MPHOSPH9: variants seen among roughly 807,000 people sequenced by gnomAD.
MPHOSPH9 encodes the protein M-phase phosphoprotein 9.
MPHOSPH9 carries 88 observed loss-of-function variants against 145.5 expected under a neutral mutation model. The ratio of observed to expected loss-of-function variants is 0.60; its 90% CI spans 0.51 to 0.72. The LOEUF (loss-of-function observed/expected upper bound fraction) is 0.72, where lower values mean the gene tolerates loss of function less well. Ranked by LOEUF, MPHOSPH9 falls within the 30% of genes least tolerant of loss-of-function variation. The pLI is 0.00. For missense variants in MPHOSPH9, 1,238 were observed against 1,386.6 expected (o/e 0.89, Z 1.70); for synonymous variants, 435 against 486.2 (o/e 0.89, Z 1.39).
chr12:123,207,578 G>A (rs1398855124), intron 8 of MPHOSPH9, among the ~76,000 whole-genome samples: 1 of 152,184 alleles, frequency 6.6e-6, no homozygotes, highest in Non-Finnish European at 1.5e-5. Flanking sequence ...TGAAGGCCGG[G>A]TGCACTAGCT....
At chr12:123,180,282 A>G (rs1443211736) in intron 14 of MPHOSPH9, among the ~76,000 whole-genome samples, 1 of 152,190 alleles carries the variant, frequency 6.6e-6, no homozygotes. Context: ...CTAAAACCTC[A>G]GAAGGATGGT....
Position 123,183,547 on chromosome 12 carries a change from C to CAAAA in MPHOSPH9, c.2242-2341_2242-2338dup, listed in dbSNP as rs746928699. 2.3e-3 allele frequency among the ~76,000 whole-genome samples: 138 copies of CAAAA among 59,694 alleles called. 3 individuals carry two copies. The East Asian group carries it at 0.032, about 14-fold the overall frequency. The allele number at this position is 59,694 out of a possible 152,430, so 39.2% of individuals were successfully genotyped here. A position where few individuals can be genotyped will look rare whatever the true frequency, so the allele number is the denominator to read the frequency against. ...AAGGTGACAGAGCAAGACTCTGTCT[C>CAAAA]AAAAAAAAAAAAAAAAAAAAAAAGA... On this transcript the variant is annotated intron_variant, in intron 13 of 23. Transcript: ENST00000606320.
chr12:123,205,889 C>T (rs1321500698), intron 8 of MPHOSPH9, among the ~76,000 whole-genome samples: 1 of 152,026 alleles, frequency 6.6e-6, no homozygotes, highest in African/African-American at 2.4e-5. Flanking sequence ...TCAAAATTGG[C>T]CAAATAGGTA....
At chr12:123,239,901 A>G (rs557344466) in intron 1 of MPHOSPH9, among the ~76,000 whole-genome samples, 2 of 151,908 alleles carry the variant, frequency 1.3e-5, no homozygotes, top group Non-Finnish European at 2.9e-5. Context: ...ACACTCCTTT[A>G]CACCTTCTCA....
chr12:123,163,526 T>C, intron 19 of MPHOSPH9: 1 of 197,260 alleles, frequency 5.1e-6, no homozygotes. Flanking sequence ...ACCAACCTGT[T>C]ATTGGCTAAA....
chr12:123,202,766 T>G lies in MPHOSPH9; in HGVS notation c.1639A>C (p.Ile547Leu). The G allele has an allele frequency of 6.2e-7, 1 of 1,614,210 alleles. No individual in the cohort carries two copies. Among genetic ancestry groups the G allele is most frequent in the Non-Finnish European group, 8.5e-7 (1 of 1,180,034 alleles). Reference protein sequence around the residue: ...PSVYTITSNDISVNTVDEENT... With the variant: ...PSVYTITSNDLSVNTVDEENT... ...TCTTCATCTACAGTGTTGACCGAGA[T>G]ATCATTACTAGTAATGGTATATACT... Residue 547 changes from isoleucine (I) to leucine (L), a missense_variant, in exon 10 of 24, where the codon ATC (isoleucine) becomes CTC (leucine). Around this residue, in one of 3 missense-constraint regions of MPHOSPH9, gnomAD observed 837 missense variants for 897.5 expected, o/e 0.93. Transcript: ENST00000606320.
At chr12:123,225,859 AACCCC>A (rs2138647545) in intron 3 of MPHOSPH9, among the ~76,000 whole-genome samples, 1 of 152,270 alleles carries the variant, frequency 6.6e-6, no homozygotes. Context: ...AACATGGCTA[AACCCC>A]TTCTCTACTA....
At chr12:123,222,311 T>A (rs1374350052) in intron 4 of MPHOSPH9, among the ~76,000 whole-genome samples, 2 of 141,362 alleles carry the variant, frequency 1.4e-5, no homozygotes. Context: ...GGTGACAGAG[T>A]GAGACCTTGT....
chr12:123,182,719 C>G (rs2045240211), intron 13 of MPHOSPH9, among the ~76,000 whole-genome samples: 1 of 150,690 alleles, frequency 6.6e-6, no homozygotes, highest in African/African-American at 2.4e-5. Context: ...CGAGACCAGC[C>G]TGGCCAACAT....
chr12:123,243,391 G>A (rs1023583702), intron 1 of MPHOSPH9, among the ~76,000 whole-genome samples: 1 of 152,174 alleles, frequency 6.6e-6, no homozygotes. Flanking sequence ...TTAGCCGGAC[G>A]TGGTGGCAGA....
intron 13 of MPHOSPH9, among the ~76,000 whole-genome samples, chr12:123,182,327 C>T (rs1269551588): frequency 1.4e-5 from 2 of 146,524 alleles, no homozygotes; most frequent in Non-Finnish European, 3.0e-5. Flanking sequence ...GTTCTCAGCT[C>T]ACTGCAAACT....
At chr12:123,199,052 T>A (rs932399520) in intron 11 of MPHOSPH9, among the ~76,000 whole-genome samples, 1 of 151,802 alleles carries the variant, frequency 6.6e-6, no homozygotes, top group Non-Finnish European at 1.5e-5. Flanking sequence ...ATAACCCAGG[T>A]TGAAGTACAG....
intron 12 of MPHOSPH9, among the ~76,000 whole-genome samples, chr12:123,197,046 T>G (rs1168506146): frequency 5.4e-5 from 8 of 147,510 alleles, no homozygotes; most frequent in Non-Finnish European, 7.5e-5. Context: ...TTTTTTTTTT[T>G]TTTTTTTTTT....
At chr12:123,175,305 C>T (rs972915639) in intron 16 of MPHOSPH9, among the ~76,000 whole-genome samples, 10 of 152,086 alleles carry the variant, frequency 6.6e-5, no homozygotes, top group African/African-American at 2.2e-4. Context: ...CGCCAGCCAC[C>T]GCGCCCGGCT....
intron 3 of MPHOSPH9, 68 bp downstream of exon 3, chr12:123,227,395 A>G: frequency 8.6e-7 from 1 of 1,158,048 alleles, no homozygotes; most frequent in Non-Finnish European, 1.1e-6. Flanking sequence ...CTAATAATTT[A>G]GAGTTTAGTA....
At chr12:123,162,866 G>C in intron 20 of MPHOSPH9, 148 bp downstream of exon 20, 2 of 712,448 alleles carry the variant, frequency 2.8e-6, no homozygotes, top group Non-Finnish European at 4.2e-6. Context: ...TACTTTAGTT[G>C]TAGTATGACA....
rs746267122 is a variant in MPHOSPH9 at position 123,179,948 on chromosome 12, T to A, written c.2332A>T (p.Thr778Ser). Residue 778 changes from threonine (T) to serine (S), a missense_variant, in exon 15 of 24, where the codon ACT becomes TCT. Physicochemically the swap from Thr to Ser is moderately conservative, Grantham distance 58 (BLOSUM62 1). Around this residue, in one of 3 missense-constraint regions of MPHOSPH9, gnomAD observed 837 missense variants for 897.5 expected, o/e 0.93. Coordinates refer to ENST00000606320, the MANE Select transcript of MPHOSPH9 (RefSeq NM_022782.4). The stretch of plus-strand genomic sequence containing the variant: ...TACCTTTTCAAATCAGAAATCTGAG[T>A]ATATGCATCAAGCAATTTGTTCTCA... ...TTENKLLDAYTQISDLKRMIS... is the reference protein window; with the variant it reads ...TTENKLLDAYSQISDLKRMIS... 54 of 1,453,124 alleles carry A rather than the reference T, an allele frequency of 3.7e-5. No homozygotes were observed. In the African/African-American group the frequency reaches 6.8e-4, roughly 18 times the overall value. The allele number at this position is 1,453,124 out of a possible 1,614,324, so 90.0% of individuals were successfully genotyped here.
chr12:123,227,870 G>A (rs1211940311), intron 2 of MPHOSPH9, among the ~76,000 whole-genome samples: 1 of 152,188 alleles, frequency 6.6e-6, no homozygotes, highest in Non-Finnish European at 1.5e-5. Context: ...CAAAGGATCG[G>A]CAGAAAATAG....
chr12:123,211,276 T>C (rs1366634403), intron 7 of MPHOSPH9, among the ~76,000 whole-genome samples: 1 of 150,760 alleles, frequency 6.6e-6, no homozygotes, highest in East Asian at 2.0e-4. Context: ...TGAGCCACCG[T>C]GCCCAGACTA....
Sources: gnomAD v4.1 joint callset for allele counts (sites outside exome capture counted in the v4.1 genomes callset) on GRCh38, gnomAD v4.1.1 for gene constraint, gnomAD v4.1.1 regional missense constraint, MANE v1.5 for transcripts, NCBI Gene and HGNC (gene_info 2026-07-23, HGNC 2026-07-21) for gene names.